Variants in KXD1 observed in about 807,000 individuals in gnomAD.
KXD1 encodes KxDL motif containing 1.
A neutral mutation model predicts 12.1 loss-of-function variants in KXD1; 5 were observed. The ratio of observed to expected loss-of-function variants is 0.41; its 90% CI spans 0.22 to 0.87. KXD1 has a LOEUF of 0.87. Ranked by LOEUF, KXD1 falls within the 40% of genes least tolerant of loss-of-function variation. The pLI is 0.31. For synonymous variants in KXD1, 98 were observed against 100.5 expected (o/e 0.98, Z 0.15); for missense variants, 193 against 244.9 (o/e 0.79, Z 1.41).
intron 1 of KXD1, chr19:18,561,704 T>C: frequency 5.7e-6 from 1 of 175,444 alleles, no homozygotes; most frequent in Non-Finnish European, 1.2e-5. Context: ...GGACAGCAGT[T>C]GTTAGGCAGG....
chr19:18,567,148 C>A lies in KXD1; in HGVS notation c.271C>A (p.Leu91Met). The change falls in exon 4 of 5, where the codon CTG (leucine) becomes ATG (methionine). Residue 91 changes from leucine (L) to methionine (M), a missense_variant. By Grantham distance (15) the Leu-to-Met change is conservative (BLOSUM62 2). Coordinates refer to ENST00000222307, the MANE Select transcript of KXD1 (RefSeq NM_024069.4). Reference protein sequence around the residue: ...FRRIRTLKGKLARQHPEAFSH... With the variant: ...FRRIRTLKGKMARQHPEAFSH... ...CCCCTGCAGGACGCTGAAAGGGAAA[C>A]TGGCCAGGCAGCACCCAGAGGCCTT... 6.2e-7 allele frequency: 1 copy of A among 1,614,180 alleles called. No homozygotes were observed. Among genetic ancestry groups the A allele is most frequent in the South Asian group, 1.1e-5 (1 of 91,086 alleles).
At chr19:18,559,628 G>A (rs1421519063) in intron 1 of KXD1, 1 of 152,204 alleles carries the variant, frequency 6.6e-6, no homozygotes, top group Non-Finnish European at 1.5e-5. Context: ...TCCTGTCACA[G>A]CTGGATATTG....
chr19:18,567,223 T>A lies in KXD1; in HGVS notation c.301+45T>A. On this transcript the variant is annotated intron_variant, in intron 4 of 4. Transcript: ENST00000222307. Reference sequence around the variant, plus strand: ...CCTGCTCCCGAGCACGTCAGCACTCTCCACCCAGGGCAGGCTTCTGGAAGG... The same window carrying A: ...CCTGCTCCCGAGCACGTCAGCACTCACCACCCAGGGCAGGCTTCTGGAAGG... 4.4e-6 allele frequency: 7 copies of A among 1,602,732 alleles called. No individual in the cohort carries two copies. In the East Asian group the frequency reaches 6.7e-5, roughly 15 times the overall value.
chr19:18,567,066 G>C (rs750753174), intron 3 of KXD1, 66 bp from the exon 4 acceptor site: 200 of 1,503,844 alleles, frequency 1.3e-4, no homozygotes, highest in Non-Finnish European at 1.7e-4. Context: ...AGGGGCTTGT[G>C]GCCAGCACCA....
intron 1 of KXD1, among the ~76,000 whole-genome samples, chr19:18,560,721 T>C (rs1167035568): frequency 6.6e-6 from 1 of 152,030 alleles, no homozygotes; most frequent in Non-Finnish European, 1.5e-5. Context: ...CTTCTTTTTT[T>C]TTTTTGAGAC....
intron 3 of KXD1, among the ~76,000 whole-genome samples, chr19:18,566,471 G>A (rs1383457284): frequency 7.9e-6 from 1 of 127,362 alleles, no homozygotes; most frequent in Non-Finnish European, 1.8e-5. Flanking sequence ...AAAAAAAAAA[G>A]TAACATAGTG....
chr19:18,564,613 A>C (rs1975110006), intron 2 of KXD1, among the ~76,000 whole-genome samples: 2 of 152,036 alleles, frequency 1.3e-5, no homozygotes, highest in Admixed American at 6.6e-5. Context: ...ACGAAGCAAG[A>C]CTCTGTCTCA....
rs900025258 is a variant in KXD1, at chr19:18,564,638, G to A, written c.102-231G>A. On this transcript the variant is annotated intron_variant, in intron 2 of 4. Transcript: ENST00000222307. ...ACTCTGTCTCAAAAAAAGTCTGACT[G>A]AATAGAGGTAGACAAGGCTACATGA... is the stretch of plus-strand genomic sequence containing the variant. Among the ~76,000 whole-genome samples, 5 of 152,104 alleles carry A rather than the reference G, an allele frequency of 3.3e-5. No homozygotes were observed. The East Asian group carries it at 5.8e-4, about 18-fold the overall frequency.
intron 4 of KXD1, among the ~76,000 whole-genome samples, chr19:18,567,748 T>A (rs1468343573): frequency 6.6e-6 from 1 of 152,144 alleles, no homozygotes; most frequent in Non-Finnish European, 1.5e-5. Flanking sequence ...CACCATCTGT[T>A]GAAAAGGCCG....
chr19:18,568,653 G>T lies in KXD1; in HGVS notation c.*22G>T, dbSNP rs772475249. ...ATAGCCCTGCTGCCCGGTGCCTTGA[G>T]GGGGTCTCAGGGCAGCAGCATACAA... On this transcript the variant is annotated 3_prime_UTR_variant, in exon 5 of 5. Coordinates refer to ENST00000222307, the MANE Select transcript of KXD1 (RefSeq NM_024069.4). The T allele has an allele frequency of 4.5e-6, 7 of 1,565,950 alleles. No homozygotes were observed. The African/African-American group carries it at 9.4e-5, about 21-fold the overall frequency.
chr19:18,564,088 T>C (rs1346941000), intron 2 of KXD1, among the ~76,000 whole-genome samples: 3 of 151,840 alleles, frequency 2.0e-5, no homozygotes, highest in African/African-American at 7.3e-5. Flanking sequence ...GGTTTTCCCA[T>C]GTTGGCAAGG....
rs147321113 is a variant in KXD1, at chr19:18,567,460, T to C, written c.301+282T>C. The C allele has an allele frequency of 2.4e-4, 169 of 707,268 alleles. No homozygotes were observed. In the African/African-American group the frequency reaches 2.5e-3, roughly 11 times the overall value. The allele number at this position is 707,268 out of a possible 1,614,324, so 43.8% of individuals were successfully genotyped here. On this transcript the variant is annotated intron_variant, in intron 4 of 4. Transcript: ENST00000222307. ...TTATCCCTGTGTGCATTATGAGCCA[T>C]CTCAGAACAGAGCACGGGCTCATGT...
At chr19:18,559,176 CGG>C (rs770601604) in intron 1 of KXD1, 2 of 151,914 alleles carry the variant, frequency 1.3e-5, no homozygotes, top group East Asian at 3.9e-4. Context: ...TTAGTAGAGA[CGG>C]GGGTTTCACC....
chr19:18,568,358 C>A (rs752875752), intron 4 of KXD1, 44 bp from the exon 5 acceptor site: 10 of 1,452,830 alleles, frequency 6.9e-6, no homozygotes, highest in Non-Finnish European at 9.6e-6. Flanking sequence ...CATCACAGAG[C>A]TTGGCAAGGT....
chr19:18,563,196 A>C (rs928182195), intron 2 of KXD1, among the ~76,000 whole-genome samples: 2 of 152,148 alleles, frequency 1.3e-5, no homozygotes, highest in Non-Finnish European at 2.9e-5. Context: ...TTGGAGTGGA[A>C]GCACAGCCTC....
At chr19:18,562,004 A>G (rs960948572) in intron 1 of KXD1, 32 bp from the exon 2 acceptor site, 22 of 1,435,192 alleles carry the variant, frequency 1.5e-5, no homozygotes, top group Admixed American at 1.9e-5. Flanking sequence ...CCTGGTGACT[A>G]GTGCAGACCA....
Position 18,562,060 on chromosome 19 carries a change from G to A in KXD1, c.4G>A (p.Asp2Asn), listed in dbSNP as rs1458726954. 1 of 1,612,324 alleles carries A rather than the reference G, an allele frequency of 6.2e-7. No individual in the cohort carries two copies. Among genetic ancestry groups the A allele is most frequent in the Non-Finnish European group, 8.5e-7 (1 of 1,179,068 alleles). Residue 2 changes from aspartate (D) to asparagine (N), a missense_variant, in exon 2 of 5, where the codon GAC becomes AAC. Asp to Asn is a conservative substitution (Grantham distance 23). Coordinates refer to ENST00000222307, the MANE Select transcript of KXD1 (RefSeq NM_024069.4). ...GGCAGCGGAGGAGGAGAAAGAGATG[G>A]ACCTCCCGGACTCGGCCTCGAGGGT... M[D>N]LPDSASRVFC...
At chr19:18,560,289 T>C (rs1270314915) in intron 1 of KXD1, 1 of 152,194 alleles carries the variant, frequency 6.6e-6, no homozygotes, top group African/African-American at 2.4e-5. Context: ...ATTACAGACG[T>C]GAGCCACCAC....
intron 3 of KXD1, 76 bp downstream of exon 3, chr19:18,565,097 T>A: frequency 6.4e-7 from 1 of 1,573,476 alleles, no homozygotes; most frequent in African/African-American, 1.3e-5. Flanking sequence ...TTCCTTCACA[T>A]ACCAGGGTAA....
Sources: allele counts gnomAD v4.1 joint callset (sites outside exome capture counted in the v4.1 genomes callset), GRCh38; gene constraint gnomAD v4.1.1; transcripts MANE v1.5; gene names NCBI Gene and HGNC (gene_info 2026-07-23, HGNC 2026-07-21).